ATP13A4: variants seen among roughly 807,000 people sequenced by gnomAD.
ATP13A4 encodes the protein probable cation-transporting ATPase 13A4.
In ATP13A4, 114 loss-of-function variants were observed where a neutral mutation model predicts 142.5. The observed-to-expected ratio is 0.80, with a 90% CI of 0.69 to 0.93. The LOEUF (loss-of-function observed/expected upper bound fraction) is 0.93. Among genes scored for constraint, ATP13A4 ranks in the 40% least tolerant of loss-of-function variants. The probability of loss-of-function intolerance (pLI) is 0.00; values close to 1 mark genes in which losing one functional copy is unlikely to be tolerated. For synonymous variants in ATP13A4, 488 were observed against 514.8 expected, an observed-to-expected ratio of 0.95 and a Z score of 0.70; for missense variants, 1,392 against 1,454.0, an observed-to-expected ratio of 0.96 and a Z score of 0.69.
intron 2 of ATP13A4, among the ~76,000 whole-genome samples, chr3:193,576,498 C>G (rs1336868771): frequency 1.3e-5 from 2 of 151,430 alleles, no homozygotes; most frequent in East Asian, 1.9e-4. Flanking sequence ...GTCTCGATCT[C>G]CTGACCTCAT....
intron 1 of ATP13A4, among the ~76,000 whole-genome samples, chr3:193,590,300 C>G (rs1577092602): frequency 6.6e-6 from 1 of 152,060 alleles, no homozygotes; most frequent in Non-Finnish European, 1.5e-5. Flanking sequence ...TCCTTGTGTG[C>G]TGAGTCCACC....
chr3:193,454,702 T>C (rs1001883831), intron 16 of ATP13A4, among the ~76,000 whole-genome samples: 6 of 152,118 alleles, frequency 3.9e-5, no homozygotes, highest in Non-Finnish European at 7.4e-5. Flanking sequence ...CCTTACACCA[T>C]ATACAAAAAC....
At chr3:193,438,662 T>G in intron 22 of ATP13A4, 78 bp from the exon 23 acceptor site, 3 of 1,245,102 alleles carry the variant, frequency 2.4e-6, no homozygotes, top group South Asian at 2.5e-5. Flanking sequence ...AAAGGCCAGT[T>G]AAGCTGGCCA....
In ATP13A4 at chr3:193,491,384, C is replaced by T; in HGVS notation, c.548G>A (p.Gly183Glu). The change falls in exon 6 of 30, where the codon GGG becomes GAG. Residue 183 changes from glycine to glutamate, a missense_variant. Transcript: ENST00000342695. ...EEQEIRRLIC[G>E]PNTIDVEVTP... ...AACTTCAACATCGATAGTATTAGGC[C>T]CACATATTAACCTCCTATAGAAAGA... 1 of 1,594,770 alleles carries T rather than the reference C, an allele frequency of 6.3e-7. No homozygotes were observed. The highest frequency in any genetic ancestry group is 8.6e-7 in the Non-Finnish European group (1 of 1,162,990).
At chr3:193,546,490 C>T (rs1405033403) in intron 1 of ATP13A4, among the ~76,000 whole-genome samples, 4 of 152,196 alleles carry the variant, frequency 2.6e-5, no homozygotes, top group Non-Finnish European at 1.5e-5. Context: ...GCTTTCTATG[C>T]AGCCAGCAGC....
chr3:193,539,412 C>T (rs1377726592), intron 1 of ATP13A4, among the ~76,000 whole-genome samples: 1 of 152,204 alleles, frequency 6.6e-6, no homozygotes, highest in Non-Finnish European at 1.5e-5. Flanking sequence ...GACAACTTCT[C>T]ATAAAGATGC....
Position 193,471,056 on chromosome 3 carries a change from C to G in ATP13A4, c.809-63G>C, listed in dbSNP as rs1016710512. On this transcript the variant is annotated intron_variant, in intron 8 of 29. Coordinates refer to ENST00000342695, the MANE Select transcript of ATP13A4 (RefSeq NM_032279.4). Reference sequence around the variant, plus strand: ...TTCCCACAAAAATACAATCCAACATCTATTTAACTTGGATATCAATGAAAA... The same window carrying G: ...TTCCCACAAAAATACAATCCAACATGTATTTAACTTGGATATCAATGAAAA... 1.9e-6 allele frequency: 3 copies of G among 1,599,508 alleles called. No homozygotes were observed. The Admixed American group carries it at 5.0e-5, about 27-fold the overall frequency.
chr3:193,482,178 C>T (rs949289396), intron 8 of ATP13A4, among the ~76,000 whole-genome samples: 2 of 152,006 alleles, frequency 1.3e-5, no homozygotes, highest in Admixed American at 1.3e-4. Context: ...AAGATGAAAA[C>T]TCAATTCAGT....
intron 2 of ATP13A4, among the ~76,000 whole-genome samples, chr3:193,563,442 CA>C (rs1174544278): frequency 6.6e-6 from 1 of 152,214 alleles, no homozygotes; most frequent in Admixed American, 6.5e-5. Context: ...CCACAGAAAC[CA>C]AAGTACCCAC....
chr3:193,557,622 T>C (rs1477618391), upstream of ATP13A4, among the ~76,000 whole-genome samples: 2 of 152,178 alleles, frequency 1.3e-5, no homozygotes, highest in East Asian at 1.9e-4. Flanking sequence ...TTCAAACCAT[T>C]AGTAAGTGAC....
At chr3:193,542,046 G>A (rs1722959402) in intron 1 of ATP13A4, among the ~76,000 whole-genome samples, 1 of 152,156 alleles carries the variant, frequency 6.6e-6, no homozygotes, top group South Asian at 2.1e-4. Flanking sequence ...GTCTCTGCTT[G>A]CAGATGGCAT....
At chr3:193,504,474 A>C (rs1223619719) in intron 2 of ATP13A4, among the ~76,000 whole-genome samples, 4 of 152,158 alleles carry the variant, frequency 2.6e-5, no homozygotes, top group African/African-American at 9.7e-5. Context: ...GTATTATTTC[A>C]TTTAATGTCA....
At chr3:193,515,589 T>C (rs1196855822) in intron 1 of ATP13A4, among the ~76,000 whole-genome samples, 1 of 148,070 alleles carries the variant, frequency 6.8e-6, no homozygotes, top group Non-Finnish European at 1.5e-5. Context: ...GTTTACTTCA[T>C]CTCATTCTAC....
chr3:193,442,461 C>G lies in ATP13A4; in HGVS notation c.2248G>C (p.Gly750Arg), dbSNP rs143770329. Reference sequence around the variant, plus strand: ...CAAGATATAGATGCTGATGAGGACCCGGTGGTTTCATTTGCCTCAATGAGA... The same window carrying G: ...CAAGATATAGATGCTGATGAGGACCGGGTGGTTTCATTTGCCTCAATGAGA... ...VILIEANETT[G>R]SSSASISWTL... The change falls in exon 19 of 30, where the codon GGG becomes CGG. Residue 750 changes from glycine to arginine, a missense_variant. Physicochemically the swap from Gly to Arg is moderately radical, Grantham distance 125. Transcript: ENST00000342695. 5.6e-6 allele frequency: 9 copies of G among 1,613,990 alleles called. No homozygotes were observed. The East Asian group carries it at 2.0e-4, about 36-fold the overall frequency.
At chr3:193,440,694 T>C in intron 20 of ATP13A4, 57 bp from the exon 21 acceptor site, 1 of 1,552,104 alleles carries the variant, frequency 6.4e-7, no homozygotes, top group Non-Finnish European at 8.9e-7. Context: ...GTACATGAAA[T>C]AATTACTAAC....
At position 193,399,597 on chromosome 3, in the gene ATP13A4, C is replaced by T. The variant is rs776819177; in HGVS notation, c.*3055G>A. Among the ~76,000 whole-genome samples the T allele has an allele frequency of 1.6e-4, 24 of 152,076 alleles. No individual in the cohort carries two copies. The highest frequency in any genetic ancestry group is 6.8e-3 in the Middle Eastern group (2 of 294). ...CATCTGGTGGCTCATGTCTGTAATC[C>T]CGGCACTTTGGGAGGCCGAGGCGGG... On this transcript the variant is annotated 3_prime_UTR_variant, in exon 30 of 30. Transcript: ENST00000342695.
intron 1 of ATP13A4, among the ~76,000 whole-genome samples, chr3:193,543,497 T>C (rs959190195): frequency 2.6e-5 from 4 of 152,144 alleles, no homozygotes; most frequent in African/African-American, 9.7e-5. Flanking sequence ...TAAGAATAAG[T>C]AAGCAACACT....
chr3:193,516,007 C>T (rs1721394023), intron 1 of ATP13A4, among the ~76,000 whole-genome samples: 1 of 152,160 alleles, frequency 6.6e-6, no homozygotes, highest in African/African-American at 2.4e-5. Flanking sequence ...AGGGTTGTTG[C>T]CCTATGTAAG....
intron 1 of ATP13A4, among the ~76,000 whole-genome samples, chr3:193,525,521 A>G (rs1721951692): frequency 6.6e-6 from 1 of 152,250 alleles, no homozygotes; most frequent in Admixed American, 6.5e-5. Flanking sequence ...GGAAAAGATC[A>G]GAGATGATCT....
Sources: gnomAD v4.1 joint callset for allele counts (sites outside exome capture counted in the v4.1 genomes callset) on GRCh38, gnomAD v4.1.1 for gene constraint, MANE v1.5 for transcripts, NCBI Gene and HGNC (gene_info 2026-07-23, HGNC 2026-07-21) for gene names.